The following MROH1 variants were observed in gnomAD, a reference collection of about 807,000 sequenced individuals.
MROH1 encodes maestro heat like repeat family member 1.
Under a neutral mutation model 116.5 loss-of-function variants are expected in MROH1, and 117 were observed. That is an observed-to-expected ratio of 1.00 (90% CI 0.86 to 1.17). The LOEUF is 1.17. Among genes scored for constraint, MROH1 ranks in the 50% most tolerant of loss-of-function variants. The pLI, the probability that MROH1 is intolerant of heterozygous loss-of-function variation, is 0.00. For synonymous variants in MROH1, 921 were observed against 583.9 expected, an observed-to-expected ratio of 1.58 and a Z score of -8.32; for missense variants, 1,873 against 1,338.5, an observed-to-expected ratio of 1.40 and a Z score of -6.23.
chr8:144,171,453 G>A (rs917261584), intron 4 of MROH1, among the ~76,000 whole-genome samples: 5 of 152,180 alleles, frequency 3.3e-5, no homozygotes, highest in East Asian at 3.8e-4. Context: ...TTCCGCTACC[G>A]GAAGCTCCTT....
At position 144,244,449 on chromosome 8, in the gene MROH1, G is replaced by A; in HGVS notation, c.2676G>A (p.Leu892=). 1.3e-6 allele frequency: 1 copy of A among 763,490 alleles called. No individual in the cohort carries two copies. The highest frequency in any genetic ancestry group is 2.4e-6 in the Non-Finnish European group (1 of 409,740). 47.3% of individuals were successfully genotyped at this position (763,490 alleles called of 1,614,324 possible). A position where few individuals can be genotyped will look rare whatever the true frequency, so the allele number is the denominator to read the frequency against. ...KEEDGGCQKS[L]YLETLHALED... ...CGGCCTGGCTCTCCTTCCAGTCCCT[G>A]TATCTGGAGACACTGCACGCCCTTG... The change falls in exon 28 of 44, where the codon CTG becomes CTA. Residue 892 remains leucine (L), a synonymous_variant. Coordinates refer to ENST00000326134, the MANE Select transcript of MROH1 (RefSeq NM_032450.3).
At chr8:144,205,203 T>G (rs1832560006) in intron 12 of MROH1, among the ~76,000 whole-genome samples, 1 of 152,156 alleles carries the variant, frequency 6.6e-6, no homozygotes, top group African/African-American at 2.4e-5. Flanking sequence ...AGTCATCAAG[T>G]TTTCAATGAA....
intron 14 of MROH1, among the ~76,000 whole-genome samples, chr8:144,235,422 C>T (rs1353302693): frequency 1.3e-5 from 2 of 152,124 alleles, no homozygotes; most frequent in Non-Finnish European, 2.9e-5. Context: ...AGCAGACAGC[C>T]TTGTCTTGTT....
At chr8:144,210,473 C>T (rs1833863140) in intron 12 of MROH1, among the ~76,000 whole-genome samples, 1 of 152,142 alleles carries the variant, frequency 6.6e-6, no homozygotes, top group South Asian at 2.1e-4. Flanking sequence ...AGGCAGATTA[C>T]TTGAGGCCAG....
intron 3 of MROH1, among the ~76,000 whole-genome samples, chr8:144,164,410 A>C (rs1433311701): frequency 4.4e-4 from 65 of 149,190 alleles, no homozygotes; most frequent in African/African-American, 1.6e-3. Flanking sequence ...GTCCCCCCAA[A>C]AAAAAAAAAA....
At chr8:144,230,811 T>C (rs988803742) in intron 14 of MROH1, among the ~76,000 whole-genome samples, 128 of 144,604 alleles carry the variant, frequency 8.9e-4, no homozygotes, top group African/African-American at 3.3e-3. Context: ...TCTTTTTTTT[T>C]TTTTTTTTTT....
intron 12 of MROH1, among the ~76,000 whole-genome samples, chr8:144,205,465 C>T (rs1276590588): frequency 6.6e-6 from 1 of 151,726 alleles, no homozygotes; most frequent in East Asian, 1.9e-4. Flanking sequence ...GTCTTTTCTG[C>T]CTAGATGCCC....
intron 12 of MROH1, among the ~76,000 whole-genome samples, chr8:144,218,005 T>TCCCTCTGGGTGGCTGCGTTAGC (rs1835651747): frequency 7.6e-6 from 1 of 131,640 alleles, no homozygotes; most frequent in Non-Finnish European, 1.7e-5. Flanking sequence ...GCTGCGTTAG[T>TCCCTCTGGGTGGCTGCGTTAGC]GGCCCAGGAT....
At chr8:144,165,563 A>G (rs982628303) in intron 3 of MROH1, among the ~76,000 whole-genome samples, 6 of 151,982 alleles carry the variant, frequency 3.9e-5, no homozygotes, top group Non-Finnish European at 8.8e-5. Context: ...GCCACTATGC[A>G]GGGCCTCAAT....
At chr8:144,219,237 T>C (rs1252052831) in intron 12 of MROH1, among the ~76,000 whole-genome samples, 2 of 152,082 alleles carry the variant, frequency 1.3e-5, no homozygotes, top group Non-Finnish European at 2.9e-5. Context: ...TTAGCCAGGA[T>C]GGTCTCGATC....
chr8:144,259,772 T>TC, intron 37 of MROH1, 139 bp from the exon 38 acceptor site: 1 of 688,222 alleles, frequency 1.5e-6, no homozygotes, highest in Non-Finnish European at 2.7e-6. Context: ...TCGCCACTGA[T>TC]CGGAGACCCA....
In MROH1 at chr8:144,175,383, T is replaced by C. The variant is rs139094857; in HGVS notation, c.169-4072T>C. 3.1e-3 allele frequency: 1,756 copies of C among 575,186 alleles called. 33 individuals carry two copies. The African/African-American group carries it at 0.034, about 11-fold the overall frequency. 35.6% of individuals were successfully genotyped at this position (575,186 alleles called of 1,614,324 possible). Reference sequence around the variant, plus strand: ...CCAGCAACAGGTCTGGTCGGATGGGTATAAATGCCCACTTGCTGTACCCAA... The same window carrying C: ...CCAGCAACAGGTCTGGTCGGATGGGCATAAATGCCCACTTGCTGTACCCAA... On this transcript the variant is annotated intron_variant, in intron 4 of 43. Coordinates refer to ENST00000326134, the MANE Select transcript of MROH1 (RefSeq NM_032450.3).
intron 35 of MROH1, among the ~76,000 whole-genome samples, chr8:144,256,135 C>T (rs1843718342): frequency 3.3e-5 from 5 of 152,256 alleles, no homozygotes; most frequent in Admixed American, 2.6e-4. Flanking sequence ...TTCACAGCCC[C>T]ACACGTAAGA....
chr8:144,205,533 C>CAA (rs1014037424), intron 12 of MROH1, among the ~76,000 whole-genome samples: 4 of 151,334 alleles, frequency 2.6e-5, no homozygotes, highest in African/African-American at 9.7e-5. Flanking sequence ...CACACACACA[C>CAA]ACACGCATGC....
intron 4 of MROH1, among the ~76,000 whole-genome samples, chr8:144,169,663 G>T (rs1264417944): frequency 6.8e-6 from 1 of 146,574 alleles, no homozygotes; most frequent in Non-Finnish European, 1.5e-5. Context: ...TGTTTTTTGA[G>T]ATGGAATTTG....
At chr8:144,217,237 C>T (rs1431912002) in intron 12 of MROH1, among the ~76,000 whole-genome samples, 1 of 152,116 alleles carries the variant, frequency 6.6e-6, no homozygotes, top group African/African-American at 2.4e-5. Flanking sequence ...ACAGATTGTC[C>T]ACATGGGTGC....
intron 2 of MROH1, among the ~76,000 whole-genome samples, chr8:144,161,423 A>G (rs1478091820): frequency 1.3e-5 from 2 of 152,122 alleles, no homozygotes. Flanking sequence ...CTCTGGTATG[A>G]GAGACTGCAG....
intron 12 of MROH1, among the ~76,000 whole-genome samples, chr8:144,207,298 C>T (rs577497356): frequency 6.6e-6 from 1 of 152,138 alleles, no homozygotes; most frequent in African/African-American, 2.4e-5. Flanking sequence ...AGCAATTCTC[C>T]TGCCTCAGCC....
intron 13 of MROH1, among the ~76,000 whole-genome samples, chr8:144,222,086 C>T (rs1020347782): frequency 4.6e-5 from 5 of 108,296 alleles, no homozygotes; most frequent in African/African-American, 1.3e-4. Flanking sequence ...ATTTATGGTA[C>T]ACCCCAGGAA....
Sources: allele counts gnomAD v4.1 joint callset (sites outside exome capture counted in the v4.1 genomes callset), GRCh38; gene constraint gnomAD v4.1.1; transcripts MANE v1.5; gene names NCBI Gene and HGNC (gene_info 2026-07-23, HGNC 2026-07-21).